The following GRIK2 variants were observed in gnomAD, a reference collection of about 807,000 sequenced individuals.
The protein encoded by GRIK2 is glutamate ionotropic receptor kainate type subunit 2, also known as glutamate receptor ionotropic, kainate 2.
In GRIK2, 32 loss-of-function variants were observed where a neutral mutation model predicts 100.3. That is an observed-to-expected ratio of 0.32 (90% CI 0.24 to 0.43). The LOEUF (loss-of-function observed/expected upper bound fraction) is 0.43. GRIK2 is among the 20% of genes least tolerant of loss of function. GRIK2 has a pLI of 1.00. For missense variants in GRIK2, 843 were observed against 1,114.9 expected, an observed-to-expected ratio of 0.76 and a Z score of 3.47; for synonymous variants, 417 against 389.4, an observed-to-expected ratio of 1.07 and a Z score of -0.83.
intron 4 of GRIK2, among the ~76,000 whole-genome samples, chr6:101,646,984 AAC>A (rs1451299930): frequency 2.0e-5 from 3 of 152,020 alleles, no homozygotes; most frequent in Non-Finnish European, 4.4e-5. Context: ...GCATGCCAGT[AAC>A]AGTCTAAACA....
chr6:101,616,348 CAAAT>C (rs1779894390), intron 2 of GRIK2, among the ~76,000 whole-genome samples: 3 of 151,442 alleles, frequency 2.0e-5, no homozygotes, highest in Non-Finnish European at 3.0e-5. Flanking sequence ...TTAAATTATA[CAAAT>C]AAATAAAAAA....
chr6:101,829,424 G>A (rs1782536843), intron 10 of GRIK2, among the ~76,000 whole-genome samples: 1 of 151,844 alleles, frequency 6.6e-6, no homozygotes, highest in Non-Finnish European at 1.5e-5. Flanking sequence ...GAAATAAAAG[G>A]CATCCAAATA....
At chr6:101,468,970 C>T (rs2128255166) in intron 2 of GRIK2, among the ~76,000 whole-genome samples, 1 of 152,040 alleles carries the variant, frequency 6.6e-6, no homozygotes, top group Non-Finnish European at 1.5e-5. Context: ...AATGAGTATC[C>T]CAGAATACTG....
chr6:101,842,073 A>G (rs1028335180), intron 10 of GRIK2, among the ~76,000 whole-genome samples: 11 of 152,194 alleles, frequency 7.2e-5, no homozygotes, highest in Non-Finnish European at 1.0e-4. Flanking sequence ...AAATTTATAA[A>G]TTATATAACA....
chr6:101,703,832 A>G (rs1000749509), intron 7 of GRIK2, among the ~76,000 whole-genome samples: 1 of 150,842 alleles, frequency 6.6e-6, no homozygotes, highest in Non-Finnish European at 1.5e-5. Flanking sequence ...TTATTGCATT[A>G]TAAAAAAAAA....
chr6:101,983,386 A>C (rs1347487441), intron 14 of GRIK2, among the ~76,000 whole-genome samples: 1 of 151,878 alleles, frequency 6.6e-6, no homozygotes, highest in East Asian at 1.9e-4. Context: ...TGTGTAATAC[A>C]AGCAGAGTAT....
At chr6:101,545,246 G>A (rs971841623) in intron 2 of GRIK2, among the ~76,000 whole-genome samples, 1 of 152,128 alleles carries the variant, frequency 6.6e-6, no homozygotes, top group Admixed American at 6.6e-5. Context: ...GTAGATGAGT[G>A]CTTCTGTTAT....
chr6:101,615,476 AAG>A (rs2128314522), intron 2 of GRIK2, among the ~76,000 whole-genome samples: 1 of 151,864 alleles, frequency 6.6e-6, no homozygotes, highest in East Asian at 1.9e-4. Context: ...TAAGTCTAGA[AAG>A]AGCACAAAAT....
chr6:101,832,300 G>A (rs533478010), intron 10 of GRIK2, among the ~76,000 whole-genome samples: 35 of 151,750 alleles, frequency 2.3e-4, no homozygotes, highest in South Asian at 6.2e-4. Flanking sequence ...TTTTAGTCAC[G>A]CTCATTAACA....
At chr6:101,670,249 G>A (rs374403336) in intron 4 of GRIK2, among the ~76,000 whole-genome samples, 2 of 152,174 alleles carry the variant, frequency 1.3e-5, no homozygotes, top group Admixed American at 6.5e-5. Flanking sequence ...CATAGTGGAT[G>A]TGCAAAAAAT....
chr6:102,024,949 A>G (rs1769616942), intron 14 of GRIK2, among the ~76,000 whole-genome samples: 3 of 149,544 alleles, frequency 2.0e-5, no homozygotes, highest in South Asian at 4.1e-4. Flanking sequence ...TTATTTATAA[A>G]TAAAAATAAA....
intron 7 of GRIK2, among the ~76,000 whole-genome samples, chr6:101,720,924 T>C (rs1774437163): frequency 6.6e-6 from 1 of 152,080 alleles, no homozygotes; most frequent in South Asian, 2.1e-4. Flanking sequence ...ATATGCATTA[T>C]TTTGATGTCT....
chr6:101,639,760 C>G (rs1781198838), intron 4 of GRIK2, among the ~76,000 whole-genome samples: 1 of 152,118 alleles, frequency 6.6e-6, no homozygotes, highest in South Asian at 2.1e-4. Context: ...TTTCAGAATG[C>G]AAGAAAATAA....
intron 2 of GRIK2, among the ~76,000 whole-genome samples, chr6:101,586,533 A>C (rs894521246): frequency 6.6e-6 from 1 of 151,956 alleles, no homozygotes; most frequent in Non-Finnish European, 1.5e-5. Flanking sequence ...CCCTCTCAGG[A>C]TGAGTCCAAC....
intron 14 of GRIK2, among the ~76,000 whole-genome samples, chr6:101,939,325 G>T (rs1057024066): frequency 6.6e-6 from 1 of 151,706 alleles, no homozygotes; most frequent in African/African-American, 2.4e-5. Flanking sequence ...CTTATATATT[G>T]TTCGTATTAC....
At chr6:102,019,288 A>G (rs1447681428) in intron 14 of GRIK2, among the ~76,000 whole-genome samples, 3 of 152,072 alleles carry the variant, frequency 2.0e-5, no homozygotes, top group African/African-American at 7.2e-5. Context: ...TAGCAAAGGC[A>G]GCATTCCTGG....
At chr6:101,583,934 T>G (rs1778222879) in intron 2 of GRIK2, among the ~76,000 whole-genome samples, 2 of 152,112 alleles carry the variant, frequency 1.3e-5, no homozygotes, top group South Asian at 4.1e-4. Flanking sequence ...AAAAGCTTTT[T>G]TAATATGGCA....
At chr6:101,473,948 T>A (rs1258967372) in intron 2 of GRIK2, among the ~76,000 whole-genome samples, 1 of 151,922 alleles carries the variant, frequency 6.6e-6, no homozygotes, top group Non-Finnish European at 1.5e-5. Flanking sequence ...CTCACTGTTA[T>A]ATGATTTTTA....
intron 4 of GRIK2, among the ~76,000 whole-genome samples, chr6:101,649,319 G>A (rs1781678650): frequency 6.6e-6 from 1 of 152,116 alleles, no homozygotes; most frequent in African/African-American, 2.4e-5. Flanking sequence ...AAAACTCACA[G>A]AGAGCATTGA....
Sources: gnomAD v4.1 joint callset for allele counts (sites outside exome capture counted in the v4.1 genomes callset) on GRCh38, gnomAD v4.1.1 for gene constraint, MANE v1.5 for transcripts, NCBI Gene and HGNC (gene_info 2026-07-23, HGNC 2026-07-21) for gene names.